ZNF573: variants seen among roughly 807,000 people sequenced by gnomAD.
ZNF573 encodes the protein zinc finger protein 573.
ZNF573 carries 41 observed loss-of-function variants against 57.4 expected under a neutral mutation model. That is an observed-to-expected ratio of 0.71 (90% CI 0.56 to 0.93). The LOEUF is 0.93. Among genes scored for constraint, ZNF573 ranks in the 40% least tolerant of loss-of-function variants. The pLI, the probability that ZNF573 is intolerant of heterozygous loss-of-function variation, is 0.00. For missense variants in ZNF573, 730 were observed against 794.8 expected (o/e 0.92, Z 0.98); for synonymous variants, 249 against 261.0 (o/e 0.95, Z 0.44).
At position 37,739,991 on chromosome 19, in the gene ZNF573, ACT is replaced by A; in HGVS notation, c.497_498del (p.Glu166ValfsTer7). On this transcript the variant is annotated frameshift_variant, in exon 5 of 5. Coordinates refer to ENST00000536220, the MANE Select transcript of ZNF573 (RefSeq NM_001172690.2). LOFTEE classifies it high-confidence loss of function. Reference sequence around the variant, plus strand: ...TAGCCACTACGAAAGTTCTTCCCACACTCTTTGCATTCATAGGGTCTCTCAAT... The same window carrying A: ...TAGCCACTACGAAAGTTCTTCCCACACTTTGCATTCATAGGGTCTCTCAAT... ...HVIERPYECK[E>X]CGKNFRSGYQ... The A allele has an allele frequency of 6.2e-7, 1 of 1,614,020 alleles. No individual in the cohort carries two copies. Among genetic ancestry groups the A allele is most frequent in the Non-Finnish European group, 8.5e-7 (1 of 1,179,988 alleles).
At chr19:37,748,325 A>G (rs565015321) in intron 4 of ZNF573, among the ~76,000 whole-genome samples, 2 of 152,324 alleles carry the variant, frequency 1.3e-5, no homozygotes, top group African/African-American at 4.8e-5. Flanking sequence ...TGTATACAGG[A>G]AATCTCTGTA....
chr19:37,763,540 G>A (rs1025459242), intron 4 of ZNF573, among the ~76,000 whole-genome samples: 5 of 151,656 alleles, frequency 3.3e-5, no homozygotes, highest in African/African-American at 1.2e-4. Context: ...CTCCAGCCTG[G>A]GCGACAGAGT....
chr19:37,778,507 T>G (rs568009954), intron 1 of ZNF573: 1 of 151,542 alleles, frequency 6.6e-6, no homozygotes, highest in Non-Finnish European at 1.5e-5. Flanking sequence ...CGGCCAAATA[T>G]GAGAACGTTA....
At chr19:37,778,228 A>C (rs2045729266) in intron 1 of ZNF573, among the ~76,000 whole-genome samples, 2 of 149,412 alleles carry the variant, frequency 1.3e-5, no homozygotes, top group African/African-American at 4.9e-5. Context: ...AAAATAATCC[A>C]CATAAGGCTG....
intron 4 of ZNF573, among the ~76,000 whole-genome samples, chr19:37,760,687 T>C (rs929181492): frequency 6.6e-6 from 1 of 151,766 alleles, no homozygotes; most frequent in South Asian, 2.1e-4. Flanking sequence ...CCAGGCATGG[T>C]GGTGCATGCC....
intron 4 of ZNF573, among the ~76,000 whole-genome samples, chr19:37,751,036 A>G (rs1389059881): frequency 6.6e-6 from 1 of 151,154 alleles, no homozygotes; most frequent in African/African-American, 2.4e-5. Context: ...GTATATAGAC[A>G]GTATATATAC....
intron 4 of ZNF573, chr19:37,759,204 A>C: frequency 1.7e-6 from 1 of 587,758 alleles, no homozygotes; most frequent in Non-Finnish European, 2.1e-6. Context: ...ATTACATATT[A>C]TAGAATTATG....
chr19:37,760,862 G>A (rs1286961710), intron 4 of ZNF573, among the ~76,000 whole-genome samples: 1 of 151,662 alleles, frequency 6.6e-6, no homozygotes, highest in Non-Finnish European at 1.5e-5. Flanking sequence ...AAATGTAGGA[G>A]GTTAATGCAA....
At chr19:37,758,817 T>C (rs1040503303) in intron 4 of ZNF573, among the ~76,000 whole-genome samples, 1 of 152,068 alleles carries the variant, frequency 6.6e-6, no homozygotes, top group East Asian at 1.9e-4. Context: ...AGGAAGTATA[T>C]GAAAAATATC....
chr19:37,775,398 A>T (rs1160831835), intron 1 of ZNF573, among the ~76,000 whole-genome samples: 1 of 152,178 alleles, frequency 6.6e-6, no homozygotes, highest in Non-Finnish European at 1.5e-5. Flanking sequence ...TAACTTCCAT[A>T]TAGATTCCAT....
intron 2 of ZNF573, chr19:37,772,930 T>C (rs1371539489): frequency 1.0e-6 from 1 of 985,056 alleles, no homozygotes; most frequent in African/African-American, 1.7e-5. Flanking sequence ...CCACCGTAGC[T>C]AGCCTACCTT....
At chr19:37,744,605 G>A (rs1183933106) in intron 4 of ZNF573, among the ~76,000 whole-genome samples, 1 of 151,720 alleles carries the variant, frequency 6.6e-6, no homozygotes, top group African/African-American at 2.4e-5. Flanking sequence ...GCTGGGCATG[G>A]TGGCATGCAC....
intron 4 of ZNF573, among the ~76,000 whole-genome samples, chr19:37,761,741 C>T (rs1201056230): frequency 6.6e-6 from 1 of 152,066 alleles, no homozygotes; most frequent in African/African-American, 2.4e-5. Context: ...CCTTTTTGCC[C>T]AATCCTGTTT....
At chr19:37,776,265 T>A (rs2045708165) in intron 1 of ZNF573, among the ~76,000 whole-genome samples, 1 of 152,132 alleles carries the variant, frequency 6.6e-6, no homozygotes, top group Non-Finnish European at 1.5e-5. Flanking sequence ...CAAAACAGCA[T>A]GGGACTGGTA....
intron 1 of ZNF573, among the ~76,000 whole-genome samples, chr19:37,778,838 A>G (rs990052930): frequency 1.6e-4 from 24 of 152,100 alleles, no homozygotes; most frequent in African/African-American, 5.8e-4. Flanking sequence ...ACATGGAGGT[A>G]GGAGAGAGGC....
intron 4 of ZNF573, chr19:37,758,403 C>G (rs1449445856): frequency 6.7e-6 from 1 of 148,888 alleles, no homozygotes; most frequent in Non-Finnish European, 1.5e-5. Context: ...GTGTTCCAGA[C>G]CAGCCTGGCC....
intron 4 of ZNF573, among the ~76,000 whole-genome samples, chr19:37,741,100 C>G (rs1213148951): frequency 6.6e-6 from 1 of 152,178 alleles, no homozygotes; most frequent in Non-Finnish European, 1.5e-5. Flanking sequence ...TTTCCACAGA[C>G]CGTTTAACTG....
chr19:37,774,615 G>A, intron 1 of ZNF573, among the ~76,000 whole-genome samples: 1 of 152,236 alleles, frequency 6.6e-6, no homozygotes, highest in East Asian at 1.9e-4. Flanking sequence ...ATGCTAAGTA[G>A]GGAAACGTAT....
intron 4 of ZNF573, 85 bp downstream of exon 4, chr19:37,769,920 G>C: frequency 8.4e-7 from 1 of 1,189,652 alleles, no homozygotes; most frequent in Non-Finnish European, 1.2e-6. Flanking sequence ...CTTGGAGGAA[G>C]GTTTCACAAA....
Sources: allele counts gnomAD v4.1 joint callset (sites outside exome capture counted in the v4.1 genomes callset), GRCh38; gene constraint gnomAD v4.1.1; transcripts MANE v1.5; gene names NCBI Gene and HGNC (gene_info 2026-07-23, HGNC 2026-07-21).